CNTNAP2: variants seen among roughly 807,000 people sequenced by gnomAD.
CNTNAP2 encodes the protein contactin-associated protein-like 2.
A neutral mutation model predicts 155.2 loss-of-function variants in CNTNAP2; 98 were observed. The ratio of observed to expected loss-of-function variants is 0.63; its 90% CI spans 0.54 to 0.75. The LOEUF is 0.75. Among genes scored for constraint, CNTNAP2 ranks in the 30% least tolerant of loss-of-function variants. CNTNAP2 has a pLI of 0.00. For missense variants in CNTNAP2, 1,727 were observed against 1,688.1 expected, an observed-to-expected ratio of 1.02 and a Z score of -0.40; for synonymous variants, 651 against 631.2, an observed-to-expected ratio of 1.03 and a Z score of -0.47.
At chr7:147,278,544 CTA>C (rs1016703654) in intron 8 of CNTNAP2, among the ~76,000 whole-genome samples, 7 of 151,580 alleles carry the variant, frequency 4.6e-5, no homozygotes, top group Non-Finnish European at 8.9e-5. Flanking sequence ...AGAAAAAAGT[CTA>C]ATTTCTCTCA....
intron 21 of CNTNAP2, among the ~76,000 whole-genome samples, chr7:148,363,978 G>A (rs571121129): frequency 1.3e-3 from 203 of 152,274 alleles, no homozygotes; most frequent in South Asian, 7.7e-3. Flanking sequence ...GGGTGTACTG[G>A]GTCCCCCAGC....
intron 3 of CNTNAP2, among the ~76,000 whole-genome samples, chr7:146,930,412 C>G (rs2129222673): frequency 6.6e-6 from 1 of 152,170 alleles, no homozygotes; most frequent in Non-Finnish European, 1.5e-5. Context: ...ACCACCAGGC[C>G]TGCCCTAAAA....
At chr7:146,675,178 AAAT>A (rs1197718179) in intron 1 of CNTNAP2, among the ~76,000 whole-genome samples, 1 of 152,116 alleles carries the variant, frequency 6.6e-6, no homozygotes, top group African/African-American at 2.4e-5. Context: ...GAGAAAAAAA[AAAT>A]AATAAATGGG....
chr7:148,202,446 G>A (rs542276549), intron 18 of CNTNAP2, among the ~76,000 whole-genome samples: 29 of 152,216 alleles, frequency 1.9e-4, no homozygotes, highest in African/African-American at 5.3e-4. Flanking sequence ...TTATGTGTAC[G>A]GAGACAGAGA....
At chr7:148,398,870 GAAATACATC>G (rs1427467369) in intron 22 of CNTNAP2, among the ~76,000 whole-genome samples, 1 of 152,302 alleles carries the variant, frequency 6.6e-6, no homozygotes, top group East Asian at 1.9e-4. Flanking sequence ...GAGGAAAGGT[GAAATACATC>G]AGAGAATGTC....
chr7:148,379,373 AG>A (rs1799001198), intron 21 of CNTNAP2, among the ~76,000 whole-genome samples: 1 of 152,158 alleles, frequency 6.6e-6, no homozygotes, highest in Admixed American at 6.5e-5. Context: ...ATAATCTCAA[AG>A]GAAAAGAAGA....
At chr7:146,182,550 C>T (rs769099507) in intron 1 of CNTNAP2, among the ~76,000 whole-genome samples, 7 of 152,150 alleles carry the variant, frequency 4.6e-5, no homozygotes, top group Non-Finnish European at 7.4e-5. Flanking sequence ...CTTTTTTTCA[C>T]AGCTTGTTAC....
At chr7:146,846,225 A>G (rs1404765942) in intron 3 of CNTNAP2, among the ~76,000 whole-genome samples, 1 of 152,140 alleles carries the variant, frequency 6.6e-6, no homozygotes, top group Non-Finnish European at 1.5e-5. Flanking sequence ...TTCTTTATGT[A>G]AACATCTACA....
intron 1 of CNTNAP2, among the ~76,000 whole-genome samples, chr7:146,151,792 C>T (rs1798057160): frequency 6.8e-6 from 1 of 147,126 alleles, no homozygotes; most frequent in Non-Finnish European, 1.5e-5. Flanking sequence ...CAGTCATCTA[C>T]AAATTTTATT....
chr7:146,189,593 C>T (rs959410837), intron 1 of CNTNAP2, among the ~76,000 whole-genome samples: 3 of 152,034 alleles, frequency 2.0e-5, no homozygotes, highest in Admixed American at 6.6e-5. Context: ...TAAAATTAAA[C>T]AGATTTAAGA....
At chr7:147,421,886 A>G (rs1414993247) in intron 10 of CNTNAP2, among the ~76,000 whole-genome samples, 2 of 151,880 alleles carry the variant, frequency 1.3e-5, no homozygotes. Context: ...TTGCCCTGTG[A>G]GATGCTTGCT....
At chr7:147,089,023 A>C (rs898648596) in intron 4 of CNTNAP2, among the ~76,000 whole-genome samples, 3 of 152,026 alleles carry the variant, frequency 2.0e-5, no homozygotes, top group Non-Finnish European at 4.4e-5. Context: ...AGAGAAAGAG[A>C]AAGAGAAAGA....
chr7:148,334,024 G>A (rs983616756), intron 21 of CNTNAP2, among the ~76,000 whole-genome samples: 1 of 152,234 alleles, frequency 6.6e-6, no homozygotes, highest in Admixed American at 6.5e-5. Context: ...AGCGTGACAA[G>A]TGATTGCTAG....
At chr7:146,152,592 G>A (rs1798068336) in intron 1 of CNTNAP2, among the ~76,000 whole-genome samples, 1 of 152,020 alleles carries the variant, frequency 6.6e-6, no homozygotes, top group Non-Finnish European at 1.5e-5. Flanking sequence ...ATTCCACCAT[G>A]TATATATATT....
chr7:146,733,764 G>A (rs1251308284), intron 1 of CNTNAP2, among the ~76,000 whole-genome samples: 3 of 152,076 alleles, frequency 2.0e-5, no homozygotes, highest in African/African-American at 7.2e-5. Flanking sequence ...CTTGAGGAGA[G>A]ATGAGAGAAA....
intron 1 of CNTNAP2, among the ~76,000 whole-genome samples, chr7:146,218,163 G>A (rs954540869): frequency 5.3e-5 from 8 of 152,080 alleles, no homozygotes; most frequent in African/African-American, 1.9e-4. Context: ...TTCAAACGTT[G>A]TGCACAAGAC....
At chr7:148,179,579 G>T (rs1056712206) in intron 18 of CNTNAP2, among the ~76,000 whole-genome samples, 3 of 149,156 alleles carry the variant, frequency 2.0e-5, no homozygotes, top group Admixed American at 6.7e-5. Context: ...GAGAGGCGGG[G>T]TGCGGGGGAG....
chr7:147,714,125 G>C (rs1212720140), intron 13 of CNTNAP2, among the ~76,000 whole-genome samples: 1 of 152,032 alleles, frequency 6.6e-6, no homozygotes, highest in Non-Finnish European at 1.5e-5. Context: ...CTATGAATGT[G>C]CTGGGTGGTA....
chr7:147,031,482 T>A (rs1032890551), intron 3 of CNTNAP2, among the ~76,000 whole-genome samples: 3 of 152,134 alleles, frequency 2.0e-5, no homozygotes, highest in Admixed American at 6.5e-5. Flanking sequence ...TGGGTACAGG[T>A]TATAGTAAAC....
Sources: allele counts gnomAD v4.1 joint callset (sites outside exome capture counted in the v4.1 genomes callset), GRCh38; gene constraint gnomAD v4.1.1; transcripts MANE v1.5; gene names NCBI Gene and HGNC (gene_info 2026-07-23, HGNC 2026-07-21).